The following SRGAP1 variants were observed in gnomAD, a reference collection of about 807,000 sequenced individuals.
SRGAP1 encodes SLIT-ROBO Rho GTPase activating protein 1, also known as SLIT-ROBO Rho GTPase-activating protein 1.
SRGAP1 carries 43 observed loss-of-function variants against 121.9 expected under a neutral mutation model. The ratio of observed to expected loss-of-function variants is 0.35; its 90% confidence interval spans 0.28 to 0.46. SRGAP1 has a LOEUF of 0.46. Among genes scored for constraint, SRGAP1 ranks in the 20% least tolerant of loss-of-function variants. The pLI is 1.00. For synonymous variants in SRGAP1, 447 were observed against 485.4 expected (o/e 0.92, Z 1.04); for missense variants, 1,102 against 1,350.9 (o/e 0.82, Z 2.89).
At chr12:64,084,184 C>CT (rs1469422303) in intron 10 of SRGAP1, among the ~76,000 whole-genome samples, 1 of 151,964 alleles carries the variant, frequency 6.6e-6, no homozygotes, top group African/African-American at 2.4e-5. Flanking sequence ...ATCCCATTAA[C>CT]TATATGTAGG....
At chr12:63,848,698 C>T (rs1898982944) in intron 1 of SRGAP1, among the ~76,000 whole-genome samples, 1 of 152,130 alleles carries the variant, frequency 6.6e-6, no homozygotes, top group South Asian at 2.1e-4. Flanking sequence ...GCGTGCACCA[C>T]CATGCCTGAC....
At chr12:63,866,118 A>G (rs1166261071) in intron 1 of SRGAP1, among the ~76,000 whole-genome samples, 2 of 152,156 alleles carry the variant, frequency 1.3e-5, no homozygotes, top group Non-Finnish European at 2.9e-5. Flanking sequence ...TAGCTTTCCA[A>G]TATGCTTCAA....
At chr12:63,943,687 T>A (rs1208577390) in intron 1 of SRGAP1, among the ~76,000 whole-genome samples, 2 of 152,128 alleles carry the variant, frequency 1.3e-5, no homozygotes, top group African/African-American at 4.8e-5. Context: ...GGTGATTGGT[T>A]TGCAATATGT....
At chr12:63,850,031 T>G (rs567906054) in intron 1 of SRGAP1, among the ~76,000 whole-genome samples, 1 of 152,278 alleles carries the variant, frequency 6.6e-6, no homozygotes, top group South Asian at 2.1e-4. Flanking sequence ...ACCAAGTTGT[T>G]TTTTTCACCA....
intron 1 of SRGAP1, among the ~76,000 whole-genome samples, chr12:63,880,685 T>C (rs866763528): frequency 6.6e-6 from 1 of 152,174 alleles, no homozygotes; most frequent in African/African-American, 2.4e-5. Flanking sequence ...AGGTCCTCAG[T>C]TTCTCCTCCA....
At chr12:63,857,179 A>G (rs540952173) in intron 1 of SRGAP1, among the ~76,000 whole-genome samples, 1 of 151,468 alleles carries the variant, frequency 6.6e-6, no homozygotes, top group South Asian at 2.1e-4. Flanking sequence ...TCCTGGGTTC[A>G]AGCGATTCTC....
At chr12:64,112,010 C>G in intron 17 of SRGAP1, 24 bp downstream of exon 17, 1 of 1,567,636 alleles carries the variant, frequency 6.4e-7, no homozygotes, top group Non-Finnish European at 8.8e-7. Context: ...TTTTAGTCCT[C>G]CTCTCCCACC....
intron 1 of SRGAP1, chr12:63,871,968 T>C (rs1899868998): frequency 9.5e-6 from 10 of 1,050,326 alleles, no homozygotes; most frequent in Non-Finnish European, 3.0e-6. Flanking sequence ...ATACGATGAA[T>C]CCTTGCCCTT....
intron 4 of SRGAP1, among the ~76,000 whole-genome samples, chr12:64,023,204 CAAAAAAAAAA>C (rs11312893): frequency 1.3e-5 from 1 of 77,076 alleles, no homozygotes; most frequent in East Asian, 4.2e-4. Context: ...ACTTTTGTAC[CAAAAAAAAAA>C]AAAAAAAAAA....
chr12:63,901,195 A>G (rs2029909033), intron 1 of SRGAP1, among the ~76,000 whole-genome samples: 1 of 152,232 alleles, frequency 6.6e-6, no homozygotes. Flanking sequence ...CTTCAAAAGC[A>G]GTATTCCTAA....
chr12:64,061,761 C>A (rs938550433), intron 6 of SRGAP1, among the ~76,000 whole-genome samples: 1 of 152,182 alleles, frequency 6.6e-6, no homozygotes, highest in Non-Finnish European at 1.5e-5. Flanking sequence ...TTTATCTCTT[C>A]TGAACATTTC....
intron 3 of SRGAP1, among the ~76,000 whole-genome samples, chr12:63,996,256 TG>T (rs1224542233): frequency 2.0e-5 from 3 of 152,056 alleles, no homozygotes; most frequent in Non-Finnish European, 2.9e-5. Context: ...TAAATATATA[TG>T]TGTATATTTT....
intron 1 of SRGAP1, among the ~76,000 whole-genome samples, chr12:63,883,904 C>T (rs909872129): frequency 6.6e-6 from 1 of 151,278 alleles, no homozygotes; most frequent in Non-Finnish European, 1.5e-5. Context: ...GTGATCCGCC[C>T]GTCTCGGCCT....
At chr12:64,073,117 T>C (rs2035672681) in intron 8 of SRGAP1, among the ~76,000 whole-genome samples, 1 of 152,198 alleles carries the variant, frequency 6.6e-6, no homozygotes, top group Non-Finnish European at 1.5e-5. Flanking sequence ...GACTTATTAA[T>C]ATGGCTGGTG....
At chr12:64,095,448 G>A (rs777689501) in intron 14 of SRGAP1, among the ~76,000 whole-genome samples, 2 of 152,126 alleles carry the variant, frequency 1.3e-5, no homozygotes, top group African/African-American at 2.4e-5. Context: ...ATTGATAATC[G>A]GTGCCAGGTA....
At chr12:64,031,755 A>G (rs1210884407) in intron 4 of SRGAP1, among the ~76,000 whole-genome samples, 1 of 152,140 alleles carries the variant, frequency 6.6e-6, no homozygotes, top group Non-Finnish European at 1.5e-5. Context: ...TCCCTCTATG[A>G]TCACGCCTCT....
intron 1 of SRGAP1, among the ~76,000 whole-genome samples, chr12:63,922,930 CTTGCT>C (rs2031122811): frequency 6.6e-6 from 1 of 152,214 alleles, no homozygotes; most frequent in Non-Finnish European, 1.5e-5. Context: ...AGACTTGCTA[CTTGCT>C]CCATAACCCA....
intron 1 of SRGAP1, among the ~76,000 whole-genome samples, chr12:63,924,081 C>T (rs557926682): frequency 7.0e-4 from 107 of 152,100 alleles, no homozygotes; most frequent in Admixed American, 2.2e-3. Flanking sequence ...GTGGAGGTTG[C>T]AGGGAGGTGG....
At chr12:63,919,598 C>A (rs2030960073) in intron 1 of SRGAP1, among the ~76,000 whole-genome samples, 1 of 147,740 alleles carries the variant, frequency 6.8e-6, no homozygotes, top group African/African-American at 2.5e-5. Flanking sequence ...ACCACCTAAT[C>A]TACAAACAAA....
Sources: gnomAD v4.1 joint callset for allele counts (sites outside exome capture counted in the v4.1 genomes callset) on GRCh38, gnomAD v4.1.1 for gene constraint, MANE v1.5 for transcripts, NCBI Gene and HGNC (gene_info 2026-07-23, HGNC 2026-07-21) for gene names.